The following HEATR3 variants were observed in gnomAD, a reference collection of about 807,000 sequenced individuals.
HEATR3 encodes the protein HEAT repeat-containing protein 3.
In HEATR3, 56 loss-of-function variants were observed where a neutral mutation model predicts 72.8. The observed-to-expected ratio is 0.77, with a 90% confidence interval of 0.62 to 0.96. The LOEUF is 0.96. HEATR3 is among the 40% of genes least tolerant of loss of function. HEATR3 has a pLI of 0.00. For synonymous variants in HEATR3, 331 were observed against 318.1 expected (o/e 1.04, Z -0.43); for missense variants, 747 against 831.4 (o/e 0.90, Z 1.25).
chr16:50,081,534 A>G (rs1295445402), intron 7 of HEATR3, among the ~76,000 whole-genome samples: 2 of 152,164 alleles, frequency 1.3e-5, no homozygotes, highest in East Asian at 3.8e-4. Context: ...GAGGAGAAAA[A>G]AAAGAAGAAA....
chr16:50,098,289 C>G (rs1310735297), intron 12 of HEATR3: 2 of 152,044 alleles, frequency 1.3e-5, no homozygotes, highest in African/African-American at 2.4e-5. Flanking sequence ...AGTGGGTTAT[C>G]AGGACTTATT....
At chr16:50,092,468 GCT>G (rs1209387290) in intron 11 of HEATR3, among the ~76,000 whole-genome samples, 1 of 128,738 alleles carries the variant, frequency 7.8e-6, no homozygotes, top group Non-Finnish European at 1.6e-5. Context: ...GACGAGTCTG[GCT>G]CTGTCGCCCA....
chr16:50,085,248 A>G (rs997023109), intron 10 of HEATR3, among the ~76,000 whole-genome samples: 3 of 152,154 alleles, frequency 2.0e-5, no homozygotes, highest in African/African-American at 4.8e-5. Flanking sequence ...TCCCAGGTGC[A>G]TGGGTTTTGG....
intron 11 of HEATR3, among the ~76,000 whole-genome samples, chr16:50,092,459 A>T (rs1337015014): frequency 6.9e-5 from 1 of 14,538 alleles, no homozygotes; most frequent in Non-Finnish European, 1.6e-4. Context: ...TTTTCCTGAG[A>T]CGAGTCTGGC....
intron 7 of HEATR3, among the ~76,000 whole-genome samples, chr16:50,083,153 C>T (rs547498189): frequency 2.0e-5 from 3 of 152,066 alleles, no homozygotes; most frequent in Non-Finnish European, 4.4e-5. Flanking sequence ...AAAAAAAAGA[C>T]AATTGAAAAC....
At chr16:50,101,685 A>T (rs769625910) in intron 13 of HEATR3, among the ~76,000 whole-genome samples, 1 of 152,014 alleles carries the variant, frequency 6.6e-6, no homozygotes, top group Non-Finnish European at 1.5e-5. Flanking sequence ...TTGTTTTTTT[A>T]TCCTTGTATT....
At chr16:50,102,164 A>G (rs1478884158) in intron 13 of HEATR3, 95 bp from the exon 14 acceptor site, 2 of 983,592 alleles carry the variant, frequency 2.0e-6, no homozygotes, top group Non-Finnish European at 3.1e-6. Context: ...GCATTTGTAT[A>G]TAAAATAGTA....
intron 11 of HEATR3, among the ~76,000 whole-genome samples, chr16:50,090,773 G>A (rs181385177): frequency 7.9e-5 from 12 of 152,180 alleles, no homozygotes; most frequent in Admixed American, 2.0e-4. Flanking sequence ...GAATCAGAAC[G>A]TTCTTTTTTA....
At chr16:50,084,926 A>G (rs1282662331) in intron 10 of HEATR3, among the ~76,000 whole-genome samples, 2 of 152,194 alleles carry the variant, frequency 1.3e-5, no homozygotes, top group African/African-American at 2.4e-5. Context: ...AGTACAATAC[A>G]TGCAGCAGTA....
intron 10 of HEATR3, among the ~76,000 whole-genome samples, chr16:50,085,847 T>C (rs1051582307): frequency 2.0e-5 from 3 of 151,662 alleles, no homozygotes; most frequent in Non-Finnish European, 4.4e-5. Flanking sequence ...CTGGGCAACA[T>C]AGCAAGACCC....
chr16:50,079,135 G>A, intron 7 of HEATR3, 117 bp downstream of exon 7: 2 of 923,004 alleles, frequency 2.2e-6, no homozygotes, highest in South Asian at 1.7e-5. Flanking sequence ...GTGCGTTTTG[G>A]TAAAAATGAG....
At position 50,092,442 on chromosome 16, in the gene HEATR3, T is replaced by TCTTTTTTC. The variant is rs1555503197; in HGVS notation, c.1511-2263_1511-2262insCTTTTTTC. Among the ~76,000 whole-genome samples, 8 of 132,282 alleles carry TCTTTTTTC rather than the reference T, an allele frequency of 6.0e-5. No individual in the cohort carries two copies. In the East Asian group the frequency reaches 8.6e-4, roughly 14 times the overall value. 86.8% of individuals were successfully genotyped at this position (132,282 alleles called of 152,430 possible). On this transcript the variant is annotated intron_variant, in intron 11 of 14. Coordinates refer to ENST00000299192, the MANE Select transcript of HEATR3 (RefSeq NM_182922.4). ...TCTTTTTTTTTTCTTTTTTCTTTTT[T>TCTTTTTTC]TTTTTTTTTTCCTGAGACGAGTCTG...
At chr16:50,102,456 T>C (rs777507943) in intron 14 of HEATR3, 21 bp downstream of exon 14, 34 of 1,608,390 alleles carry the variant, frequency 2.1e-5, no homozygotes, top group Non-Finnish European at 2.7e-5. Flanking sequence ...ATTTAACTTA[T>C]AAATACATAA....
intron 6 of HEATR3, among the ~76,000 whole-genome samples, chr16:50,076,121 G>T (rs1014390094): frequency 5.9e-5 from 9 of 151,584 alleles, no homozygotes; most frequent in African/African-American, 2.2e-4. Context: ...TTTAGTTTAT[G>T]TATCTATTTT....
Position 50,086,256 on chromosome 16 carries a change from G to A in HEATR3, c.1415G>A (p.Ser472Asn), listed in dbSNP as rs1198425754. ...IQCRALFCLQSLVSLLDVEHL... is the reference protein window; with the variant it reads ...IQCRALFCLQNLVSLLDVEHL... ...TGCAGAGCCCTCTTCTGTCTCCAGA[G>A]TCTTGTGTCCCTCCTGGATGTGGAG... The change falls in exon 11 of 15, where the codon AGT becomes AAT. Residue 472 changes from serine to asparagine, a missense_variant. By Grantham distance (46) the Ser-to-Asn change is conservative. Coordinates refer to ENST00000299192, the MANE Select transcript of HEATR3 (RefSeq NM_182922.4). 2.5e-6 allele frequency: 4 copies of A among 1,582,064 alleles called. No homozygotes were observed. Among genetic ancestry groups the A allele is most frequent in the Non-Finnish European group, 3.4e-6 (4 of 1,162,704 alleles).
intron 11 of HEATR3, among the ~76,000 whole-genome samples, chr16:50,093,433 C>G (rs778727422): frequency 6.6e-6 from 1 of 152,180 alleles, no homozygotes; most frequent in East Asian, 1.9e-4. Context: ...GGCCACTTAT[C>G]CCCTCCCACC....
chr16:50,071,265 A>G (rs919205957), intron 4 of HEATR3, among the ~76,000 whole-genome samples: 15 of 152,370 alleles, frequency 9.8e-5, no homozygotes, highest in South Asian at 6.2e-4. Context: ...TGGCTGACCT[A>G]AAAGCACAGA....
intron 11 of HEATR3, among the ~76,000 whole-genome samples, chr16:50,087,248 A>G (rs62029881): frequency 0.077 from 11,780 of 152,264 alleles, 547 homozygotes; most frequent in Middle Eastern, 0.15. Flanking sequence ...TCTAACATGT[A>G]TCTTTCTTCA....
In HEATR3 at chr16:50,084,602, G is replaced by A. The variant is rs1336734009; in HGVS notation, c.1324G>A (p.Ala442Thr). ...GAAAACTGCCTTTCCAAACAGCATT[G>A]CAGTTGACCTATGTTCTAGGAACCC... is the stretch of plus-strand genomic sequence containing the variant. ...FEKTAFPNSI[A>T]VDLCSRNPTW... Residue 442 changes from alanine (A) to threonine (T), a missense_variant, in exon 10 of 15, where the codon GCA becomes ACA. Ala to Thr is a moderately conservative substitution (Grantham distance 58, BLOSUM62 0). This residue lies in a region of HEATR3 where 586 missense variants were observed against 708.8 expected (regional missense o/e 0.83). Coordinates refer to ENST00000299192, the MANE Select transcript of HEATR3 (RefSeq NM_182922.4). The A allele has an allele frequency of 6.2e-7, 1 of 1,613,286 alleles. No individual in the cohort carries two copies.
Sources: gnomAD v4.1 joint callset for allele counts (sites outside exome capture counted in the v4.1 genomes callset) on GRCh38, gnomAD v4.1.1 for gene constraint, gnomAD v4.1.1 regional missense constraint, MANE v1.5 for transcripts, NCBI Gene and HGNC (gene_info 2026-07-23, HGNC 2026-07-21) for gene names.